Variants in KLHL38 observed in about 807,000 individuals in gnomAD.
KLHL38 encodes the protein kelch like family member 38, also known as kelch-like protein 38.
Under a neutral mutation model 39.6 loss-of-function variants are expected in KLHL38, and 38 were observed. The observed-to-expected ratio is 0.96, with a 90% CI of 0.74 to 1.26. KLHL38 has a LOEUF of 1.26. Ranked by LOEUF, KLHL38 falls within the 50% of genes most tolerant of loss-of-function variation. The pLI is 0.00. For synonymous variants in KLHL38, 322 were observed against 302.2 expected (o/e 1.07, Z -0.68); for missense variants, 803 against 748.1 (o/e 1.07, Z -0.86).
rs1554587887 is a variant in KLHL38, at chr8:123,645,477, G to GAGACAC, written c.*261_*262insGTGTCT. The GAGACAC allele has an allele frequency of 1.3e-3, 639 of 475,112 alleles. 9 individuals carry two copies. Among genetic ancestry groups the GAGACAC allele is most frequent in the African/African-American group, 0.013 (561 of 43,670 alleles). The allele number at this position is 475,112 out of a possible 1,614,324, so 29.4% of individuals were successfully genotyped here. The stretch of plus-strand genomic sequence containing the variant: ...AGAGAGAGAGAGAGAGAGAGAGAGA[G>GAGACAC]AGACAGACAGAGATAGGGGAGAGAA... On this transcript the variant is annotated 3_prime_UTR_variant, in exon 4 of 4. Transcript: ENST00000684634.
intron 2 of KLHL38, among the ~76,000 whole-genome samples, chr8:123,649,729 G>T (rs1812600240): frequency 1.3e-5 from 2 of 152,272 alleles, no homozygotes; most frequent in South Asian, 4.1e-4. Context: ...GGGGCTCAGG[G>T]GTTGCGATGT....
At chr8:123,647,952 A>C (rs1481815006) in intron 2 of KLHL38, among the ~76,000 whole-genome samples, 1 of 152,042 alleles carries the variant, frequency 6.6e-6, no homozygotes, top group Non-Finnish European at 1.5e-5. Context: ...GTGGTAGTGC[A>C]TGCCTGTAGT....
Position 123,647,032 on chromosome 8 carries a change from T to A in KLHL38, c.1351-18A>T. 7.6e-7 allele frequency: 1 copy of A among 1,322,988 alleles called. No homozygotes were observed. The highest frequency in any genetic ancestry group is 1.1e-6 in the Non-Finnish European group (1 of 917,636). The allele number at this position is 1,322,988 out of a possible 1,614,324, so 82.0% of individuals were successfully genotyped here. On this transcript the variant is annotated intron_variant, in intron 2 of 3. Transcript: ENST00000684634. ...TGATAAACCTGAGGGAGAGAGAGAA[T>A]CATGGCACTGCATTTTAAAGTGAAA...
Position 123,645,821 on chromosome 8 carries a change from G to A in KLHL38, c.1664C>T (p.Ser555Phe), listed in dbSNP as rs746892299. 2 of 1,613,966 alleles carry A rather than the reference G, an allele frequency of 1.2e-6. No individual in the cohort carries two copies. Among genetic ancestry groups the A allele is most frequent in the South Asian group, 2.2e-5 (2 of 91,046 alleles). Residue 555 changes from serine (S) to phenylalanine (F), a missense_variant, in exon 4 of 4, where the codon TCC (serine) becomes TTC (phenylalanine). Coordinates refer to ENST00000684634, the MANE Select transcript of KLHL38 (RefSeq NM_001081675.3). ...GAGCTTGTGCGGCAGCTGTCCCTGG[G>A]ATGTCCAGGTGTCCGTCTCGGGGTC... ...CYDPETDTWT[S>F]QGQLPHKLFD...
chr8:123,652,082 T>C lies in KLHL38; in HGVS notation c.845A>G (p.Tyr282Cys). 6.2e-7 allele frequency: 1 copy of C among 1,614,178 alleles called. No individual in the cohort carries two copies. Among genetic ancestry groups the C allele is most frequent in the South Asian group, 1.1e-5 (1 of 91,078 alleles). ...GCCCAAGAGGATGAGGAAATCTTGG[T>C]AAGAGTTTCTTGGAGGGACATGCAA... ...LLLHVPPRNS[Y>C]QDFLILLGGR... Residue 282 changes from tyrosine to cysteine, a missense_variant, in exon 2 of 4, where the codon TAC becomes TGC. Coordinates refer to ENST00000684634, the MANE Select transcript of KLHL38 (RefSeq NM_001081675.3).
At position 123,651,854 on chromosome 8, in the gene KLHL38, A is replaced by G. The variant is rs1370438914; in HGVS notation, c.1073T>C (p.Leu358Pro). 6.2e-7 allele frequency: 1 copy of G among 1,614,148 alleles called. No individual in the cohort carries two copies. The highest frequency in any genetic ancestry group is 2.2e-5 in the East Asian group (1 of 44,878). Reference sequence around the variant, plus strand: ...CCCCAGCCTCCACTGATTGAGTTTCAGGGAGAAGATGTAGACATTGTGACT... The same window carrying G: ...CCCCAGCCTCCACTGATTGAGTTTCGGGGAGAAGATGTAGACATTGTGACT... ...LVSHNVYIFS[L>P]KLNQWRLGEP... Residue 358 changes from leucine to proline, a missense_variant, in exon 2 of 4, where the codon CTG (leucine) becomes CCG (proline). Transcript: ENST00000684634.
In KLHL38 at chr8:123,652,656, A is replaced by T; in HGVS notation, c.271T>A (p.Tyr91Asn). Residue 91 changes from tyrosine (Y) to asparagine (N), a missense_variant, in exon 2 of 4, where the codon TAC becomes AAC. Physicochemically the swap from Tyr to Asn is moderately radical, Grantham distance 143 (BLOSUM62 -2). Coordinates refer to ENST00000684634, the MANE Select transcript of KLHL38 (RefSeq NM_001081675.3). ...DPPTLDQIVS[Y>N]VYTGEAHIAT... ...ATATGTGCCTCCCCCGTATACACGT[A>T]GGAGACGATCTGGTCCAGGGTTGGG... 1 of 1,614,200 alleles carries T rather than the reference A, an allele frequency of 6.2e-7. No individual in the cohort carries two copies. Among genetic ancestry groups the T allele is most frequent in the South Asian group, 1.1e-5 (1 of 91,084 alleles).
rs1014437971 is a variant in KLHL38 at position 123,644,705 on chromosome 8, G to A, written c.*1034C>T. ...TCTGGATTTCTCTCTTTGGGGAAAT[G>A]CTTCTAACCCATTATATGCAGTTTG... On this transcript the variant is annotated 3_prime_UTR_variant, in exon 4 of 4. Coordinates refer to ENST00000684634, the MANE Select transcript of KLHL38 (RefSeq NM_001081675.3). Among the ~76,000 whole-genome samples the A allele has an allele frequency of 6.6e-6, 1 of 152,130 alleles. No homozygotes were observed. The highest frequency in any genetic ancestry group is 1.5e-5 in the Non-Finnish European group (1 of 68,032).
Position 123,645,073 on chromosome 8 carries a change from A to T in KLHL38, c.*666T>A, listed in dbSNP as rs1818634679. On this transcript the variant is annotated 3_prime_UTR_variant, in exon 4 of 4. Coordinates refer to ENST00000684634, the MANE Select transcript of KLHL38 (RefSeq NM_001081675.3). ...GAGAGAGAGGGGCAGAGAGAGGCAG[A>T]GAGACAGAGAAGAGAGAGAAGCAGA... Among the ~76,000 whole-genome samples, 1 of 151,426 alleles carries T rather than the reference A, an allele frequency of 6.6e-6. No individual in the cohort carries two copies. The highest frequency in any genetic ancestry group is 2.1e-4 in the South Asian group (1 of 4,798).
rs1364292484 is a variant in KLHL38 at position 123,645,099 on chromosome 8, GA to G, written c.*639del. 6.6e-6 allele frequency among the ~76,000 whole-genome samples: 1 copy of G among 151,416 alleles called. No homozygotes were observed. The highest frequency in any genetic ancestry group is 6.6e-5 in the Admixed American group (1 of 15,226). The stretch of plus-strand genomic sequence containing the variant: ...GAGACAGAGAAGAGAGAGAAGCAGA[GA>G]GGGGGAGACAGACAGAGAGAGAGAA... On this transcript the variant is annotated 3_prime_UTR_variant, in exon 4 of 4. Coordinates refer to ENST00000684634, the MANE Select transcript of KLHL38 (RefSeq NM_001081675.3).
At position 123,652,678 on chromosome 8, in the gene KLHL38, TG is replaced by T. The variant is rs769840176; in HGVS notation, c.248del (p.Pro83GlnfsTer25). 5 of 1,614,118 alleles carry T rather than the reference TG, an allele frequency of 3.1e-6. No homozygotes were observed. The South Asian group carries it at 5.5e-5, about 18-fold the overall frequency. On this transcript the variant is annotated frameshift_variant, in exon 2 of 4. Transcript: ENST00000684634. LOFTEE classifies it high-confidence loss of function. ...CGTAGGAGACGATCTGGTCCAGGGT[TG>T]GGGGGTCAATGCCTTTCAGCTGCAC... Reference protein sequence around the residue: ...AKVQLKGIDPPTLDQIVSYVY... With the variant: ...AKVQLKGIDPXTLDQIVSYVY...
At position 123,645,035 on chromosome 8, in the gene KLHL38, TGA is replaced by T. The variant is rs56194946; in HGVS notation, c.*702_*703del. On this transcript the variant is annotated 3_prime_UTR_variant, in exon 4 of 4. Coordinates refer to ENST00000684634, the MANE Select transcript of KLHL38 (RefSeq NM_001081675.3). Reference sequence around the variant, plus strand: ...AGAGAGAGGAAGACAGAGGGGAGACTGAGAGAGAGAGAGAGAGAGAGGGGCAG... The same window carrying T: ...AGAGAGAGGAAGACAGAGGGGAGACTGAGAGAGAGAGAGAGAGAGGGGCAG... Among the ~76,000 whole-genome samples, 11 of 143,544 alleles carry T rather than the reference TGA, an allele frequency of 7.7e-5. No individual in the cohort carries two copies. Among genetic ancestry groups the T allele is most frequent in the East Asian group, 2.1e-4 (1 of 4,796 alleles). 94.2% of individuals were successfully genotyped at this position (143,544 alleles called of 152,430 possible).
At chr8:123,650,771 G>T (rs1812628495) in intron 2 of KLHL38, among the ~76,000 whole-genome samples, 1 of 152,160 alleles carries the variant, frequency 6.6e-6, no homozygotes, top group South Asian at 2.1e-4. Context: ...CTGCAACTTA[G>T]AGTCTCCTGG....
rs1046455560 is a variant in KLHL38 at position 123,644,502 on chromosome 8, C to T, written c.*1237G>A. 2.6e-5 allele frequency among the ~76,000 whole-genome samples: 4 copies of T among 152,182 alleles called. No individual in the cohort carries two copies. The highest frequency in any genetic ancestry group is 9.7e-5 in the African/African-American group (4 of 41,440). On this transcript the variant is annotated 3_prime_UTR_variant, in exon 4 of 4. Transcript: ENST00000684634. ...AGGATAATTTTACAAACATTAGATA[C>T]TGAATTGTGCATATATCTCTGGAAT...
chr8:123,647,943 T>C (rs1257264331), intron 2 of KLHL38, among the ~76,000 whole-genome samples: 2 of 151,968 alleles, frequency 1.3e-5, no homozygotes, highest in African/African-American at 4.8e-5. Context: ...TAGCTGCGTG[T>C]GGTAGTGCAT....
rs774922635 is a variant in KLHL38, at chr8:123,652,681, G to A, written c.246C>T (p.Pro82=). 24 of 1,614,058 alleles carry A rather than the reference G, an allele frequency of 1.5e-5. No homozygotes were observed. Among genetic ancestry groups the A allele is most frequent in the East Asian group, 2.2e-5 (1 of 44,886 alleles). Residue 82 remains proline, a synonymous_variant, in exon 2 of 4, where the codon CCC becomes CCT. Transcript: ENST00000684634. Reference sequence around the variant, plus strand: ...AGGAGACGATCTGGTCCAGGGTTGGGGGGTCAATGCCTTTCAGCTGCACTT... The same window carrying A: ...AGGAGACGATCTGGTCCAGGGTTGGAGGGTCAATGCCTTTCAGCTGCACTT... ...EAKVQLKGID[P]PTLDQIVSYV... is the part of the protein sequence containing the mutation.
In KLHL38 at chr8:123,652,710, C is replaced by T. The variant is rs1812677462; in HGVS notation, c.217G>A (p.Ala73Thr). 5 of 1,614,160 alleles carry T rather than the reference C, an allele frequency of 3.1e-6. No homozygotes were observed. The South Asian group carries it at 4.4e-5, about 14-fold the overall frequency. The change falls in exon 2 of 4, where the codon GCC becomes ACC. Residue 73 changes from alanine to threonine, a missense_variant. Ala to Thr is a moderately conservative substitution (Grantham distance 58). Transcript: ENST00000684634. ...TCAATGCCTTTCAGCTGCACTTTGGCTTCACTCTTCTCCCGGAAGCTGCTG... is the reference window on the plus strand; with the variant it reads ...TCAATGCCTTTCAGCTGCACTTTGGTTTCACTCTTCTCCCGGAAGCTGCTG... ...FCSSFREKSEAKVQLKGIDPP... is the reference protein window; with the variant it reads ...FCSSFREKSETKVQLKGIDPP...
rs1246436661 is a variant in KLHL38 at position 123,652,841 on chromosome 8, TGCCTTAAGCTGTTGA to T, written c.71_85del (p.Leu24_Arg28del). On this transcript the variant is annotated inframe_deletion, in exon 2 of 4. Coordinates refer to ENST00000684634, the MANE Select transcript of KLHL38 (RefSeq NM_001081675.3). ...GCTCACATCAGTCAGGATCCTGCTT[TGCCTTAAGCTGTTGA>T]GCTGCCTCAACAAGTCAGAAGAGAA... is the stretch of plus-strand genomic sequence containing the variant. 1 of 1,610,812 alleles carries T rather than the reference TGCCTTAAGCTGTTGA, an allele frequency of 6.2e-7. No individual in the cohort carries two copies. The highest frequency in any genetic ancestry group is 1.3e-5 in the African/African-American group (1 of 74,930).
intron 2 of KLHL38, among the ~76,000 whole-genome samples, chr8:123,651,010 T>G (rs11994199): frequency 0.74 from 112,887 of 152,158 alleles, 42,113 homozygotes; most frequent in Non-Finnish European, 0.79. Flanking sequence ...ATATATATTT[T>G]TCTCATCAAA....
Sources: allele counts gnomAD v4.1 joint callset (sites outside exome capture counted in the v4.1 genomes callset), GRCh38; gene constraint gnomAD v4.1.1; transcripts MANE v1.5; gene names NCBI Gene and HGNC (gene_info 2026-07-23, HGNC 2026-07-21).